The following TENM1 variants were observed in gnomAD, a reference collection of about 807,000 sequenced individuals.
TENM1 encodes the protein teneurin transmembrane protein 1, also known as teneurin-1.
In TENM1, 35 loss-of-function variants were observed where a neutral mutation model predicts 174.8. That is an observed-to-expected ratio of 0.20 (90% confidence interval 0.15 to 0.27). The LOEUF is 0.27. Ranked by LOEUF, TENM1 falls within the 10% of genes least tolerant of loss-of-function variation. The pLI, the probability that TENM1 is intolerant of heterozygous loss-of-function variation, is 1.00. For synonymous variants in TENM1, 781 were observed against 798.7 expected, an observed-to-expected ratio of 0.98 and a Z score of 0.37; for missense variants, 1,633 against 2,130.1, an observed-to-expected ratio of 0.77 and a Z score of 4.59.
intron 11 of TENM1, among the ~76,000 whole-genome samples, chrX:124,607,069 G>GGT (rs2050176897): frequency 1.8e-5 from 2 of 110,212 alleles, no homozygotes; most frequent in Non-Finnish European, 3.8e-5. Flanking sequence ...GAGACAAAAT[G>GGT]GTGGGCATTT....
chrX:124,422,217 G>A, intron 24 of TENM1, 55 bp downstream of exon 27: 3 of 1,160,076 alleles, frequency 2.6e-6, no homozygotes, highest in East Asian at 3.0e-5. Context: ...ACTGGGGCAC[G>A]TTTTTCTTTT....
chrX:124,783,119 C>T (rs759572614), intron 3 of TENM1, among the ~76,000 whole-genome samples: 1 of 111,911 alleles, frequency 8.9e-6, no homozygotes, highest in East Asian at 2.8e-4. Flanking sequence ...TATGAGTGTA[C>T]TCAGTCTGCA....
intron 4 of TENM1, among the ~76,000 whole-genome samples, chrX:124,710,118 T>C (rs73215137): frequency 0.12 from 13,394 of 110,976 alleles, 756 homozygotes; most frequent in African/African-American, 0.22. Flanking sequence ...TTTTTTAATG[T>C]CTGCTTAACT....
At chrX:125,182,399 A>G in the TENM1 span, among the ~76,000 whole-genome samples, 6 of 92,039 alleles carry the variant, frequency 6.5e-5, no homozygotes, top group East Asian at 1.8e-3. Context: ...TGTTCACATG[A>G]CATGCCATAT....
the TENM1 span, among the ~76,000 whole-genome samples, chrX:125,115,665 G>C: frequency 9.0e-6 from 1 of 110,773 alleles, no homozygotes; most frequent in Non-Finnish European, 1.9e-5. Flanking sequence ...AAAATACCTA[G>C]GAATACAACT....
At chrX:125,084,702 C>T in the TENM1 span, among the ~76,000 whole-genome samples, 1 of 111,213 alleles carries the variant, frequency 9.0e-6, no homozygotes, top group South Asian at 3.8e-4. Flanking sequence ...CCCCAAATCA[C>T]AGACTCACCA....
intron 27 of TENM1, among the ~76,000 whole-genome samples, chrX:124,401,426 C>T (rs1007584740): frequency 8.9e-6 from 1 of 112,186 alleles, no homozygotes; most frequent in Non-Finnish European, 1.9e-5. Context: ...AATTCTGTCT[C>T]AACAGCTCTG....
intron 11 of TENM1, among the ~76,000 whole-genome samples, chrX:124,577,174 C>T (rs760360567): frequency 1.3e-4 from 14 of 111,527 alleles, no homozygotes; most frequent in Non-Finnish European, 2.6e-4. Context: ...ACAAGAGAGA[C>T]GATACTAGCA....
chrX:124,414,870 T>A (rs757138689), intron 25 of TENM1, among the ~76,000 whole-genome samples: 1 of 111,832 alleles, frequency 8.9e-6, no homozygotes, highest in East Asian at 2.8e-4. Flanking sequence ...AAATTTCACT[T>A]CTGTTTCTGT....
chrX:124,597,721 A>T (rs1225741943), intron 11 of TENM1, among the ~76,000 whole-genome samples: 1 of 111,591 alleles, frequency 9.0e-6, no homozygotes, highest in Admixed American at 9.6e-5. Context: ...CCATGTACAA[A>T]GATCAAATCA....
chrX:124,832,447 G>A (rs2056310690), intron 3 of TENM1, among the ~76,000 whole-genome samples: 1 of 112,383 alleles, frequency 8.9e-6, no homozygotes, highest in African/African-American at 3.2e-5. Context: ...GCCTGTGTTT[G>A]AGTACAGGCT....
At chrX:124,469,529 A>G (rs1690877551) in intron 22 of TENM1, among the ~76,000 whole-genome samples, 3 of 111,473 alleles carry the variant, frequency 2.7e-5, no homozygotes, top group African/African-American at 9.8e-5. Flanking sequence ...AAGTTTTCCA[A>G]ATTTCACAGG....
intron 1 of TENM1, among the ~76,000 whole-genome samples, chrX:124,929,578 T>C (rs924647834): frequency 1.8e-5 from 2 of 112,094 alleles, no homozygotes; most frequent in South Asian, 3.7e-4. Flanking sequence ...GAAAGGGACC[T>C]CAGGCATATT....
rs748515020 is a variant in TENM1 at position 124,441,868 on chromosome X, TA to T, written c.4104+11468del. On this transcript the variant is annotated intron_variant, in intron 23 of 31. Coordinates refer to ENST00000422452, the Ensembl canonical transcript of TENM1. ...CTAACCATGACCAATTAGGATAGAG[TA>T]AATGTTTGGCATAAGGGCCACCAAA... Among the ~76,000 whole-genome samples, 91 of 111,979 alleles carry T rather than the reference TA, an allele frequency of 8.1e-4. 1 individual carries two copies. Among genetic ancestry groups the T allele is most frequent in the African/African-American group, 2.9e-3 (88 of 30,872 alleles).
intron 11 of TENM1, among the ~76,000 whole-genome samples, chrX:124,587,349 C>G (rs1260381835): frequency 2.8e-5 from 3 of 108,152 alleles, no homozygotes; most frequent in Non-Finnish European, 5.8e-5. Flanking sequence ...AGATATTGAC[C>G]AATGGAACAG....
chrX:125,086,564 A>G, the TENM1 span, among the ~76,000 whole-genome samples: 92 of 111,282 alleles, frequency 8.3e-4, 1 homozygote, highest in Middle Eastern at 4.8e-3. Context: ...ATAATTCCTA[A>G]AATTTACAGA....
exon 4 of TENM1, chrX:124,737,110 T>C (rs946261144): frequency 2.5e-6 from 3 of 1,210,593 alleles, no homozygotes; most frequent in Non-Finnish European, 3.4e-6. Context: ...AGGGGGTGGC[T>C]TCCTGGCACA....
At chrX:124,837,018 G>A (rs778923797) in intron 3 of TENM1, among the ~76,000 whole-genome samples, 31 of 112,007 alleles carry the variant, frequency 2.8e-4, no homozygotes, top group Non-Finnish European at 5.3e-4. Context: ...GCTTCAAGCT[G>A]GTATAATCTA....
At chrX:125,133,277 C>T in the TENM1 span, among the ~76,000 whole-genome samples, 1 of 112,054 alleles carries the variant, frequency 8.9e-6, no homozygotes, top group African/African-American at 3.2e-5. Flanking sequence ...TTAGGGATTA[C>T]AGGCGTGAGC....
Sources: gnomAD v4.1 joint callset for allele counts (sites outside exome capture counted in the v4.1 genomes callset) on GRCh38, gnomAD v4.1.1 for gene constraint, MANE v1.5 for transcripts, NCBI Gene and HGNC (gene_info 2026-07-23, HGNC 2026-07-21) for gene names.